IPO9: variants seen among roughly 807,000 people sequenced by gnomAD.
IPO9 encodes the protein importin 9.
A neutral mutation model predicts 128.6 loss-of-function variants in IPO9; 28 were observed. The ratio of observed to expected loss-of-function variants is 0.22; its 90% CI spans 0.16 to 0.30. The LOEUF is 0.30. IPO9 is among the 10% of genes least tolerant of loss of function. The pLI is 1.00. For missense variants in IPO9, 935 were observed against 1,293.9 expected, an observed-to-expected ratio of 0.72 and a Z score of 4.26; for synonymous variants, 455 against 475.8, an observed-to-expected ratio of 0.96 and a Z score of 0.57.
rs185206753 is a variant in IPO9 at position 201,830,366 on chromosome 1, T to C, written c.163+994T>C. On this transcript the variant is annotated intron_variant, in intron 1 of 23. Transcript: ENST00000361565. Reference sequence around the variant, plus strand: ...CATATTCAAAACCTTCAGTTAGCTCTCCTACTGGACGTATTTCTATTGAAA... The same window carrying C: ...CATATTCAAAACCTTCAGTTAGCTCCCCTACTGGACGTATTTCTATTGAAA... 4.1e-3 allele frequency among the ~76,000 whole-genome samples: 621 copies of C among 152,342 alleles called. 6 individuals carry two copies. The highest frequency in any genetic ancestry group is 0.014 in the African/African-American group (583 of 41,580).
rs1680936339 is a variant in IPO9 at position 201,883,954 on chromosome 1, GTC to G, written c.*7904_*7905del. ...GGAGAGAGACACAATGGATCAGAGT[GTC>G]TCTGCCAGTTCTAACTTGGGGATTC... On this transcript the variant is annotated 3_prime_UTR_variant, in exon 24 of 24. Transcript: ENST00000361565. The G allele has an allele frequency of 6.6e-6, 1 of 152,244 alleles. No homozygotes were observed. Among genetic ancestry groups the G allele is most frequent in the African/African-American group, 2.4e-5 (1 of 41,458 alleles). The allele number at this position is 152,244 out of a possible 1,614,324, so 9.4% of individuals were successfully genotyped here. A position where few individuals can be genotyped will look rare whatever the true frequency, so the allele number is the denominator to read the frequency against.
At chr1:201,841,634 A>G (rs1463291183) in intron 1 of IPO9, among the ~76,000 whole-genome samples, 1 of 152,230 alleles carries the variant, frequency 6.6e-6, no homozygotes, top group African/African-American at 2.4e-5. Flanking sequence ...TCCTTGGAGG[A>G]GAAGTTGATA....
chr1:201,873,981 C>T (rs1680710066), intron 20 of IPO9, among the ~76,000 whole-genome samples: 1 of 152,206 alleles, frequency 6.6e-6, no homozygotes, highest in African/African-American at 2.4e-5. Flanking sequence ...TGGCTCTATA[C>T]AGTTCCTTGG....
rs1158779143 is a variant in IPO9 at position 201,882,551 on chromosome 1, G to A, written c.*6497G>A. On this transcript the variant is annotated 3_prime_UTR_variant, in exon 24 of 24. Transcript: ENST00000361565. ...ACATTCCAGTTTTTTCCTTTTTTGA[G>A]TAACTGGGAAAAGGGTGGCATTACT... 6.6e-6 allele frequency: 1 copy of A among 151,436 alleles called. No individual in the cohort carries two copies. The highest frequency in any genetic ancestry group is 1.5e-5 in the Non-Finnish European group (1 of 67,942). 9.4% of individuals were successfully genotyped at this position (151,436 alleles called of 1,614,324 possible).
chr1:201,844,081 A>G (rs576056718), intron 1 of IPO9, among the ~76,000 whole-genome samples: 1 of 152,280 alleles, frequency 6.6e-6, no homozygotes, highest in East Asian at 1.9e-4. Context: ...AGTGGGTGAG[A>G]CTTTGAAAAG....
At chr1:201,856,996 A>T in intron 10 of IPO9, 100 bp from the exon 11 acceptor site, 2 of 826,366 alleles carry the variant, frequency 2.4e-6, no homozygotes, top group Non-Finnish European at 4.2e-6. Flanking sequence ...AAAAGGCTAG[A>T]GTTTTTTCAG....
At chr1:201,874,568 G>A (rs555097786) in intron 21 of IPO9, among the ~76,000 whole-genome samples, 196 bp downstream of exon 21, 1 of 152,338 alleles carries the variant, frequency 6.6e-6, no homozygotes, top group African/African-American at 2.4e-5. Flanking sequence ...TCTCACAGAG[G>A]CTGGGGTGGG....
intron 15 of IPO9, among the ~76,000 whole-genome samples, chr1:201,868,147 C>T (rs1222395703): frequency 6.6e-6 from 1 of 152,094 alleles, no homozygotes; most frequent in Non-Finnish European, 1.5e-5. Flanking sequence ...TAAGGCTCTG[C>T]TTTTTAGGAG....
chr1:201,840,391 A>G (rs1178321085), intron 1 of IPO9, among the ~76,000 whole-genome samples: 1 of 152,120 alleles, frequency 6.6e-6, no homozygotes, highest in Non-Finnish European at 1.5e-5. Flanking sequence ...AAATATGATA[A>G]CACATTCTGT....
At chr1:201,831,009 C>CT (rs539441507) in intron 1 of IPO9, among the ~76,000 whole-genome samples, 1 of 152,056 alleles carries the variant, frequency 6.6e-6, no homozygotes, top group Admixed American at 6.6e-5. Context: ...CTTTATTCAT[C>CT]TTTTTTTTCT....
intron 23 of IPO9, among the ~76,000 whole-genome samples, chr1:201,875,607 C>G (rs1680746894): frequency 6.7e-6 from 1 of 149,888 alleles, no homozygotes; most frequent in Non-Finnish European, 1.5e-5. Context: ...AAAAAAAAAT[C>G]CATTTATAAT....
At chr1:201,852,757 C>G (rs1452189269) in intron 5 of IPO9, among the ~76,000 whole-genome samples, 1 of 152,128 alleles carries the variant, frequency 6.6e-6, no homozygotes, top group Non-Finnish European at 1.5e-5. Context: ...ATTTTTTAAT[C>G]AAATGAACCC....
At chr1:201,874,167 A>G in intron 20 of IPO9, 83 bp from the exon 21 acceptor site, 2 of 1,454,878 alleles carry the variant, frequency 1.4e-6, no homozygotes, top group Non-Finnish European at 1.9e-6. Context: ...AACTCTGGTG[A>G]GTGGCACTGA....
intron 13 of IPO9, among the ~76,000 whole-genome samples, chr1:201,863,013 A>G (rs1680478585): frequency 1.3e-5 from 2 of 152,046 alleles, no homozygotes; most frequent in South Asian, 4.1e-4. Flanking sequence ...TTTCTCTCAA[A>G]TGAGTTGTAC....
intron 1 of IPO9, among the ~76,000 whole-genome samples, chr1:201,841,321 T>C (rs935733513): frequency 6.6e-5 from 10 of 152,236 alleles, no homozygotes; most frequent in African/African-American, 2.4e-4. Flanking sequence ...TTAATACTTC[T>C]GTAATTGCTT....
chr1:201,875,298 A>G (rs1680739446), intron 23 of IPO9, 70 bp downstream of exon 23: 1 of 1,334,532 alleles, frequency 7.5e-7, no homozygotes, highest in African/African-American at 1.4e-5. Context: ...ATGGGCTCAA[A>G]TCCATTTATA....
At chr1:201,874,607 C>T (rs1163811763) in intron 21 of IPO9, among the ~76,000 whole-genome samples, 1 of 152,154 alleles carries the variant, frequency 6.6e-6, no homozygotes, top group Admixed American at 6.5e-5. Flanking sequence ...CTAACATAGC[C>T]CTTCTTTGGT....
chr1:201,848,716 C>G (rs1360821767), intron 4 of IPO9, 122 bp downstream of exon 4: 1 of 928,934 alleles, frequency 1.1e-6, no homozygotes, highest in African/African-American at 1.6e-5. Context: ...ATTCCTCCCT[C>G]CTAGTTTTTA....
rs1300171447 is a variant in IPO9, at chr1:201,880,348, C to T, written c.*4294C>T. ...TATCAGTGATCCTCATTGCCATGTT[C>T]CCTTCTGGTGCTCAACCGGAGGCTC... On this transcript the variant is annotated 3_prime_UTR_variant, in exon 24 of 24. Coordinates refer to ENST00000361565, the MANE Select transcript of IPO9 (RefSeq NM_018085.5). The T allele has an allele frequency of 6.6e-6, 1 of 152,158 alleles. No individual in the cohort carries two copies. Among genetic ancestry groups the T allele is most frequent in the Non-Finnish European group, 1.5e-5 (1 of 68,028 alleles). 9.4% of individuals were successfully genotyped at this position (152,158 alleles called of 1,614,324 possible).
Sources: allele counts gnomAD v4.1 joint callset (sites outside exome capture counted in the v4.1 genomes callset), GRCh38; gene constraint gnomAD v4.1.1; transcripts MANE v1.5; gene names NCBI Gene and HGNC (gene_info 2026-07-23, HGNC 2026-07-21).